Variants in ARHGEF12 observed in about 807,000 individuals in gnomAD.
The protein encoded by ARHGEF12 is Rho guanine nucleotide exchange factor 12, also known as KMT2A/ARHGEF12 fusion protein.
A neutral mutation model predicts 211.2 loss-of-function variants in ARHGEF12; 66 were observed. The ratio of observed to expected loss-of-function variants is 0.31; its 90% CI spans 0.26 to 0.38. The LOEUF (loss-of-function observed/expected upper bound fraction) is 0.38. ARHGEF12 is among the 10% of genes least tolerant of loss of function. The pLI, the probability that ARHGEF12 is intolerant of heterozygous loss-of-function variation, is 1.00. For synonymous variants in ARHGEF12, 592 were observed against 638.4 expected (o/e 0.93, Z 1.09); for missense variants, 1,429 against 1,869.5 (o/e 0.76, Z 4.34).
At chr11:120,342,619 A>G (rs1231895653) in intron 1 of ARHGEF12, among the ~76,000 whole-genome samples, 1 of 152,208 alleles carries the variant, frequency 6.6e-6, no homozygotes, top group Non-Finnish European at 1.5e-5. Context: ...ATATGGGTAA[A>G]GAGATTCTCA....
In ARHGEF12 at chr11:120,481,494, A is replaced by G; in HGVS notation, c.4472A>G (p.Gln1491Arg). 2 of 1,614,198 alleles carry G rather than the reference A, an allele frequency of 1.2e-6. No homozygotes were observed. The highest frequency in any genetic ancestry group is 1.7e-6 in the Non-Finnish European group (2 of 1,180,042). Residue 1491 changes from glutamine to arginine, a missense_variant, in exon 39 of 41, where the codon CAG (glutamine) becomes CGG (arginine). This residue lies in a region of ARHGEF12 where 467 missense variants were observed against 468.4 expected (regional missense o/e 1.00). Transcript: ENST00000397843. ...ATGGAGTATTCCTGTTTTGAGATCC[A>G]GAGTCCCTCCTCTTGTGCAGATTCA... The part of the protein sequence containing the change: ...GAMEYSCFEI[Q>R]SPSSCADSQS...
chr11:120,378,257 C>G (rs1318979351), intron 1 of ARHGEF12, among the ~76,000 whole-genome samples: 1 of 152,120 alleles, frequency 6.6e-6, no homozygotes, highest in Non-Finnish European at 1.5e-5. Flanking sequence ...TTGCATTTCT[C>G]TAATGATGAA....
intron 6 of ARHGEF12, among the ~76,000 whole-genome samples, chr11:120,423,118 C>T (rs1945245433): frequency 6.6e-6 from 1 of 152,028 alleles, no homozygotes; most frequent in African/African-American, 2.4e-5. Context: ...AGGCAGTTCC[C>T]TAAAGTAACT....
At chr11:120,446,232 AATAAT>A (rs1565487699) in intron 16 of ARHGEF12, among the ~76,000 whole-genome samples, 166 bp from the exon 17 acceptor site, 28 of 142,170 alleles carry the variant, frequency 2.0e-4, no homozygotes, top group African/African-American at 6.9e-4. Context: ...TAATAATAAT[AATAAT>A]AGAGTAAATG....
At chr11:120,448,993 G>A (rs1273891626) in intron 20 of ARHGEF12, 116 bp from the exon 21 acceptor site, 6 of 812,320 alleles carry the variant, frequency 7.4e-6, no homozygotes, top group East Asian at 2.7e-5. Context: ...ACACGTGTAC[G>A]GGTTTTCATT....
rs1251622382 is a variant in ARHGEF12 at position 120,429,467 on chromosome 11, A to G, written c.613A>G (p.Lys205Glu). 1 of 1,613,766 alleles carries G rather than the reference A, an allele frequency of 6.2e-7. No homozygotes were observed. The highest frequency in any genetic ancestry group is 1.7e-5 in the Admixed American group (1 of 59,996). Residue 205 changes from lysine (K) to glutamate (E), a missense_variant, in exon 9 of 41, where the codon AAA becomes GAA. Lys to Glu is a moderately conservative substitution (Grantham distance 56). This residue lies in a region of ARHGEF12 where 254 missense variants were observed against 286.4 expected (regional missense o/e 0.89). Transcript: ENST00000397843. ...GEENNVVHNQKVEILRKMLQK... is the reference protein window; with the variant it reads ...GEENNVVHNQEVEILRKMLQK... ...GGAAAACAATGTGGTTCATAACCAGAAAGTAGAAATTCTGAGAAAAATGTT... is the reference window on the plus strand; with the variant it reads ...GGAAAACAATGTGGTTCATAACCAGGAAGTAGAAATTCTGAGAAAAATGTT...
chr11:120,352,197 C>T (rs1943000788), intron 1 of ARHGEF12, among the ~76,000 whole-genome samples: 1 of 152,136 alleles, frequency 6.6e-6, no homozygotes, highest in Non-Finnish European at 1.5e-5. Flanking sequence ...GTCTCATTTG[C>T]TCTAAAGAGT....
At chr11:120,429,254 A>C (rs1360688638) in intron 8 of ARHGEF12, among the ~76,000 whole-genome samples, 186 bp from the exon 9 acceptor site, 1 of 152,208 alleles carries the variant, frequency 6.6e-6, no homozygotes, top group Non-Finnish European at 1.5e-5. Context: ...AAGGGCAGAC[A>C]TTTCCTTGTA....
At chr11:120,369,394 G>T (rs1943526409) in intron 1 of ARHGEF12, among the ~76,000 whole-genome samples, 1 of 152,232 alleles carries the variant, frequency 6.6e-6, no homozygotes, top group Middle Eastern at 3.4e-3. Context: ...CTCCCAAAGT[G>T]CTGGGATTAC....
chr11:120,456,702 T>C (rs1391887753), intron 22 of ARHGEF12, among the ~76,000 whole-genome samples: 1 of 152,182 alleles, frequency 6.6e-6, no homozygotes, highest in Non-Finnish European at 1.5e-5. Context: ...GTTTTAAAAA[T>C]TATTTTTCTG....
chr11:120,352,469 G>A (rs1255827641), intron 1 of ARHGEF12, among the ~76,000 whole-genome samples: 1 of 152,184 alleles, frequency 6.6e-6, no homozygotes, highest in Non-Finnish European at 1.5e-5. Context: ...GTGTGTTTAA[G>A]TGGCAGTGGA....
chr11:120,372,694 AGACAGGATTTAT>A (rs1023585914), intron 1 of ARHGEF12, among the ~76,000 whole-genome samples: 2 of 152,108 alleles, frequency 1.3e-5, no homozygotes, highest in African/African-American at 4.8e-5. Context: ...TGTAAAAAGC[AGACAGGATTTAT>A]GATAAGATAG....
At chr11:120,397,934 A>C (rs1326761667) in intron 1 of ARHGEF12, among the ~76,000 whole-genome samples, 1 of 152,238 alleles carries the variant, frequency 6.6e-6, no homozygotes, top group East Asian at 1.9e-4. Flanking sequence ...GAATATATGC[A>C]TAACAATGCT....
intron 12 of ARHGEF12, chr11:120,439,693 T>G (rs1591593984): frequency 6.5e-6 from 1 of 152,860 alleles, no homozygotes; most frequent in Non-Finnish European, 1.5e-5. Context: ...CTCTTATTTT[T>G]CCTTTCTCCT....
intron 1 of ARHGEF12, among the ~76,000 whole-genome samples, chr11:120,376,534 T>C (rs1943728600): frequency 6.6e-6 from 1 of 152,208 alleles, no homozygotes; most frequent in African/African-American, 2.4e-5. Context: ...TGGGCATAAG[T>C]ATTTATATTT....
chr11:120,336,848 CCCGAGACT>C lies in ARHGEF12; in HGVS notation c.-392_-385del. ...CTTGCCGCGGCGGGGAGTTCGAGGC[CCCGAGACT>C]CCGGAGGAGGAGCCGACACCCGTCC... On this transcript the variant is annotated 5_prime_UTR_variant, in exon 1 of 41. Coordinates refer to ENST00000397843, the MANE Select transcript of ARHGEF12 (RefSeq NM_015313.3). The C allele has an allele frequency of 2.7e-6, 1 of 366,436 alleles. No homozygotes were observed. The highest frequency in any genetic ancestry group is 4.0e-5 in the East Asian group (1 of 25,258). 22.7% of individuals were successfully genotyped at this position (366,436 alleles called of 1,614,324 possible).
intron 5 of ARHGEF12, 68 bp from the exon 6 acceptor site, chr11:120,421,735 C>T: frequency 1.4e-6 from 2 of 1,433,276 alleles, no homozygotes; most frequent in South Asian, 1.2e-5. Flanking sequence ...GTTATACTGT[C>T]TCTCTGTCAG....
intron 30 of ARHGEF12, among the ~76,000 whole-genome samples, chr11:120,469,609 C>G (rs139897708): frequency 1.4e-4 from 22 of 152,276 alleles, no homozygotes; most frequent in African/African-American, 4.8e-4. Flanking sequence ...TTTGCTCTTT[C>G]ATTTATCTCT....
chr11:120,426,108 A>G (rs1319155618), intron 7 of ARHGEF12, among the ~76,000 whole-genome samples: 1 of 152,228 alleles, frequency 6.6e-6, no homozygotes, highest in East Asian at 1.9e-4. Flanking sequence ...AAAAGAGTGC[A>G]GTGATCAAAA....
Sources: allele counts gnomAD v4.1 joint callset (sites outside exome capture counted in the v4.1 genomes callset), GRCh38; gene constraint gnomAD v4.1.1; regional missense constraint gnomAD v4.1.1; transcripts MANE v1.5; gene names NCBI Gene and HGNC (gene_info 2026-07-23, HGNC 2026-07-21).